The following LAMA1 variants were observed in gnomAD, a reference collection of about 807,000 sequenced individuals.
The protein encoded by LAMA1 is laminin subunit alpha 1.
A neutral mutation model predicts 348.7 loss-of-function variants in LAMA1; 219 were observed. The ratio of observed to expected loss-of-function variants is 0.63; its 90% CI spans 0.56 to 0.70. The LOEUF is 0.70. LAMA1 is among the 30% of genes least tolerant of loss of function. LAMA1 has a pLI of 0.00. For missense variants in LAMA1, 3,744 were observed against 3,888.0 expected (o/e 0.96, Z 0.99); for synonymous variants, 1,487 against 1,491.0 (o/e 1.00, Z 0.06).
At chr18:6,989,651 A>C (rs1420992432) in intron 36 of LAMA1, among the ~76,000 whole-genome samples, 5 of 151,408 alleles carry the variant, frequency 3.3e-5, no homozygotes, top group Non-Finnish European at 5.9e-5. Flanking sequence ...AATTAAAGGG[A>C]TCCTAGAGGC....
rs147238612 is a variant in LAMA1, at chr18:6,966,234, T to C, written c.6963A>G (p.Ser2321=). ...DGSGYSVVEK[S]LPATVTQIIM... ...TTATCTGGGTCACGGTAGCCGGAAG[T>C]GACTTCTCCACGACAGAGTACCCAC... Residue 2321 remains serine, a synonymous_variant, in exon 49 of 63, where the codon TCA becomes TCG. Transcript: ENST00000389658. 7.4e-6 allele frequency: 12 copies of C among 1,613,824 alleles called. No homozygotes were observed. The highest frequency in any genetic ancestry group is 9.3e-6 in the Non-Finnish European group (11 of 1,179,966).
intron 1 of LAMA1, among the ~76,000 whole-genome samples, chr18:7,093,844 G>A (rs1041421303): frequency 1.0e-4 from 15 of 147,590 alleles, no homozygotes; most frequent in Non-Finnish European, 1.6e-4. Context: ...TCACGATATC[G>A]GCTCCCCGCA....
chr18:7,010,470 G>T, intron 25 of LAMA1, 85 bp from the exon 26 acceptor site: 2 of 1,268,462 alleles, frequency 1.6e-6, no homozygotes, highest in Non-Finnish European at 2.3e-6. Context: ...CCATAAGAGA[G>T]AAATCTTGTA....
intron 14 of LAMA1, among the ~76,000 whole-genome samples, chr18:7,033,386 G>A (rs1343338330): frequency 2.0e-5 from 3 of 150,630 alleles, no homozygotes; most frequent in African/African-American, 7.3e-5. Flanking sequence ...ATCCTGGGAG[G>A]CAGAGCTTGC....
At chr18:6,975,848 A>AT (rs377629757) in intron 45 of LAMA1, 89 bp downstream of exon 45, 21,386 of 1,442,672 alleles carry the variant, frequency 0.015, 142 homozygotes, top group Middle Eastern at 0.042. Context: ...ACTAAGGCCT[A>AT]TTTTTTTTTC....
chr18:6,975,821 G>T, intron 45 of LAMA1, 116 bp downstream of exon 45: 1 of 1,216,778 alleles, frequency 8.2e-7, no homozygotes. Flanking sequence ...AGTCCCTATG[G>T]GAGATTTAGA....
chr18:7,081,848 CT>C (rs1235626106), intron 1 of LAMA1, among the ~76,000 whole-genome samples: 1 of 152,150 alleles, frequency 6.6e-6, no homozygotes, highest in Non-Finnish European at 1.5e-5. Context: ...AGAATATAAT[CT>C]TTTCTTTGTA....
chr18:6,978,292 G>A lies in LAMA1; in HGVS notation c.6094C>T (p.Leu2032=). The change falls in exon 43 of 63, where the codon CTG becomes TTG. Residue 2032 remains leucine, a synonymous_variant. Transcript: ENST00000389658. The part of the protein sequence containing the change: ...AVSTLRDVAG[L]SQELLNTSAS... Reference sequence around the variant, plus strand: ...GATGTGTTCAGCAGCTCCTGGCTCAGCCCCGCCACGTCCCTCAGCGTGCTC... The same window carrying A: ...GATGTGTTCAGCAGCTCCTGGCTCAACCCCGCCACGTCCCTCAGCGTGCTC... The A allele has an allele frequency of 6.2e-7, 1 of 1,614,218 alleles. No homozygotes were observed. The highest frequency in any genetic ancestry group is 2.2e-5 in the East Asian group (1 of 44,890).
At chr18:7,021,847 T>TATTAGAA (rs1475542817) in intron 19 of LAMA1, among the ~76,000 whole-genome samples, 1 of 61,732 alleles carries the variant, frequency 1.6e-5, no homozygotes, top group Non-Finnish European at 3.0e-5. Context: ...ATATATTATA[T>TATTAGAA]TATATTATAT....
chr18:6,957,270 G>A (rs545838020), intron 55 of LAMA1: 145 of 177,300 alleles, frequency 8.2e-4, no homozygotes, highest in Non-Finnish European at 1.5e-3. Flanking sequence ...GGGCACAGCT[G>A]GGAACTCCAC....
Position 7,036,079 on chromosome 18 carries a change from A to G in LAMA1, c.1747T>C (p.Phe583Leu). 6.2e-7 allele frequency: 1 copy of G among 1,613,444 alleles called. No homozygotes were observed. Among genetic ancestry groups the G allele is most frequent in the Non-Finnish European group, 8.5e-7 (1 of 1,179,322 alleles). Residue 583 changes from phenylalanine (F) to leucine (L), a missense_variant, in exon 13 of 63, where the codon TTT becomes CTT. Phe to Leu is a conservative substitution (Grantham distance 22). Coordinates refer to ENST00000389658, the MANE Select transcript of LAMA1 (RefSeq NM_005559.4). ...ACCGTGTATTTCAGGAATCCGCCAA[A>G]CGCAGTCAGCTGAAATGTTTAAGCG... ...EAYLGNKLTA[F>L]GGFLKYTVSY...
chr18:7,024,454 G>C lies in LAMA1; in HGVS notation c.2415C>G (p.Thr805=), dbSNP rs1384825909. The part of the protein sequence containing the change: ...LTIASNNFSP[T]CHLNDGDEVV... ...CTTCATCTCCATCATTGAGGTGGCA[G>C]GTGGGGCTGAAACTGTCAAAACATT... The change falls in exon 18 of 63, where the codon ACC becomes ACG. Residue 805 remains threonine (T), a synonymous_variant. Coordinates refer to ENST00000389658, the MANE Select transcript of LAMA1 (RefSeq NM_005559.4). 2.5e-6 allele frequency: 4 copies of C among 1,613,826 alleles called. No individual in the cohort carries two copies. Among genetic ancestry groups the C allele is most frequent in the South Asian group, 1.1e-5 (1 of 90,978 alleles).
Position 7,098,741 on chromosome 18 carries a change from C to G in LAMA1, c.62-18284G>C, listed in dbSNP as rs1598319114. On this transcript the variant is annotated intron_variant, in intron 1 of 62. Transcript: ENST00000389658. Reference sequence around the variant, plus strand: ...GTGGGGGGGTCAGCCCCCCGCCCGGCCAGCCACCCCGTCCAGGAGGTGAGG... The same window carrying G: ...GTGGGGGGGTCAGCCCCCCGCCCGGGCAGCCACCCCGTCCAGGAGGTGAGG... Among the ~76,000 whole-genome samples, 2 of 142,598 alleles carry G rather than the reference C, an allele frequency of 1.4e-5. 1 individual carries two copies. The highest frequency in any genetic ancestry group is 3.1e-5 in the Non-Finnish European group (2 of 64,808). 93.5% of individuals were successfully genotyped at this position (142,598 alleles called of 152,430 possible). A position where few individuals can be genotyped will look rare whatever the true frequency, so the allele number is the denominator to read the frequency against.
At chr18:7,021,842 T>TATTATATTATATAATA (rs1464512885) in intron 19 of LAMA1, among the ~76,000 whole-genome samples, 44 of 62,466 alleles carry the variant, frequency 7.0e-4, no homozygotes, top group Middle Eastern at 0.018. Flanking sequence ...TAATAATATA[T>TATTATATTATATAATA]TATATTATAT....
At chr18:7,097,499 C>CTTTT (rs10566387) in intron 1 of LAMA1, among the ~76,000 whole-genome samples, 4 of 109,900 alleles carry the variant, frequency 3.6e-5, no homozygotes, top group African/African-American at 9.6e-5. Context: ...TCTCAGCTGG[C>CTTTT]TTTTTTTTTT....
chr18:7,020,127 C>G (rs2057908698), intron 19 of LAMA1, among the ~76,000 whole-genome samples: 1 of 151,872 alleles, frequency 6.6e-6, no homozygotes, highest in Admixed American at 6.6e-5. Flanking sequence ...AAAAATTATC[C>G]TCATTTAACT....
intron 6 of LAMA1, among the ~76,000 whole-genome samples, chr18:7,045,913 A>G (rs1380824519): frequency 6.6e-6 from 1 of 151,784 alleles, no homozygotes; most frequent in Non-Finnish European, 1.5e-5. Context: ...GGAAGAGAAA[A>G]CCTTTCTTCT....
rs1323084636 is a variant in LAMA1, at chr18:7,097,994, C to G, written c.62-17537G>C. Among the ~76,000 whole-genome samples, 10 of 149,564 alleles carry G rather than the reference C, an allele frequency of 6.7e-5. No homozygotes were observed. The East Asian group carries it at 2.0e-3, about 30-fold the overall frequency. On this transcript the variant is annotated intron_variant, in intron 1 of 62. Transcript: ENST00000389658. ...CCTGACTCAGCCTGCCTAGTGCCTG[C>G]GATTGCAGGCTCGCGCCGCCACGCC... is the stretch of plus-strand genomic sequence containing the variant.
At chr18:6,975,694 AT>A (rs2057678611) in intron 45 of LAMA1, among the ~76,000 whole-genome samples, 1 of 152,120 alleles carries the variant, frequency 6.6e-6, no homozygotes, top group East Asian at 1.9e-4. Context: ...AAAAAGTTCC[AT>A]CCCCAAGGCT....
Sources: gnomAD v4.1 joint callset for allele counts (sites outside exome capture counted in the v4.1 genomes callset) on GRCh38, gnomAD v4.1.1 for gene constraint, MANE v1.5 for transcripts, NCBI Gene and HGNC (gene_info 2026-07-23, HGNC 2026-07-21) for gene names.